Variants in SAMD13 observed in about 807,000 individuals in gnomAD.
SAMD13 encodes sterile alpha motif domain-containing protein 13.
SAMD13 carries 9 observed loss-of-function variants against 12.4 expected under a neutral mutation model. The ratio of observed to expected loss-of-function variants is 0.72; its 90% CI spans 0.44 to 1.26. The LOEUF (loss-of-function observed/expected upper bound fraction) is 1.26. SAMD13 is among the 50% of genes most tolerant of loss of function. The probability of loss-of-function intolerance (pLI) is 0.00; values close to 1 mark genes in which losing one functional copy is unlikely to be tolerated. For synonymous variants in SAMD13, 46 were observed against 45.4 expected (o/e 1.01, Z -0.05); for missense variants, 84 against 119.6 (o/e 0.70, Z 1.39).
Position 84,335,879 on chromosome 1 carries a change from A to G in SAMD13, c.165+10131A>G, listed in dbSNP as rs117703458. Among the ~76,000 whole-genome samples, 422 of 152,208 alleles carry G rather than the reference A, an allele frequency of 2.8e-3. 17 individuals are homozygous for G. The East Asian group carries it at 0.063, about 23-fold the overall frequency. Reference sequence around the variant, plus strand: ...AGAATGCTGAGTGTAGGCCCCCAATATCTTCTGGCTTGCAGGGTTTCTGCT... The same window carrying G: ...AGAATGCTGAGTGTAGGCCCCCAATGTCTTCTGGCTTGCAGGGTTTCTGCT... On this transcript the variant is annotated intron_variant, in intron 3 of 3. Transcript: ENST00000394834.
chr1:84,302,108 T>A (rs1423619549), intron 1 of SAMD13: 2 of 152,210 alleles, frequency 1.3e-5, no homozygotes, highest in African/African-American at 4.8e-5. Flanking sequence ...AGTTTGTGTG[T>A]ATGTGTGTGT....
At position 84,349,735 on chromosome 1, in the gene SAMD13, A is replaced by G; in HGVS notation, c.270A>G (p.Lys90=). Residue 90 remains lysine (K), a synonymous_variant, in exon 4 of 4, where the codon AAA becomes AAG. Coordinates refer to ENST00000394834, the MANE Select transcript of SAMD13 (RefSeq NM_001134663.2). ...PALKIYEYHV[K]PLQTKHLKNN... is the part of the protein sequence containing the mutation. ...TGAAAATCTACGAATATCATGTAAA[A>G]CCTCTGCAGACAAAGCATTTAAAGA... The G allele has an allele frequency of 6.2e-7, 1 of 1,613,692 alleles. No homozygotes were observed. Among genetic ancestry groups the G allele is most frequent in the Non-Finnish European group, 8.5e-7 (1 of 1,179,788 alleles).
Position 84,305,349 on chromosome 1 carries a change from G to A in SAMD13, c.53+2062G>A, listed in dbSNP as rs369931169. Among the ~76,000 whole-genome samples, 691 of 151,844 alleles carry A rather than the reference G, an allele frequency of 4.6e-3. 1 individual carries two copies. The highest frequency in any genetic ancestry group is 0.015 in the African/African-American group (633 of 41,436). On this transcript the variant is annotated intron_variant, in intron 2 of 3. Transcript: ENST00000394834. ...CAAATCTTTTGCCCATATTTGTATC[G>A]GGTTTTTTCATATTTATTGTATAGA... is the stretch of plus-strand genomic sequence containing the variant.
intron 2 of SAMD13, 39 bp from the exon 3 acceptor site, chr1:84,325,598 G>A (rs1679040207): frequency 7.9e-7 from 1 of 1,258,094 alleles, no homozygotes; most frequent in Admixed American, 1.7e-5. Flanking sequence ...CCCTTGTGCA[G>A]GCACTGCCAT....
intron 3 of SAMD13, among the ~76,000 whole-genome samples, chr1:84,348,890 A>C (rs367675440): frequency 3.1e-4 from 47 of 152,228 alleles, no homozygotes; most frequent in African/African-American, 1.1e-3. Context: ...AGGGGAACTT[A>C]TCTTGGAGAG....
chr1:84,338,799 C>T (rs1385606697), intron 3 of SAMD13, among the ~76,000 whole-genome samples: 1 of 152,080 alleles, frequency 6.6e-6, no homozygotes, highest in African/African-American at 2.4e-5. Context: ...CTGAGAACAG[C>T]ATGGGAAAGA....
chr1:84,315,829 T>G (rs1678821459), intron 2 of SAMD13, among the ~76,000 whole-genome samples: 1 of 152,170 alleles, frequency 6.6e-6, no homozygotes, highest in Admixed American at 6.6e-5. Flanking sequence ...TTTCTACCAT[T>G]TCTACCATAG....
At chr1:84,339,244 C>T (rs1239189258) in intron 3 of SAMD13, among the ~76,000 whole-genome samples, 1 of 152,024 alleles carries the variant, frequency 6.6e-6, no homozygotes, top group African/African-American at 2.4e-5. Flanking sequence ...AGAGTTATTG[C>T]ACTAGGTTTT....
intron 2 of SAMD13, among the ~76,000 whole-genome samples, chr1:84,308,047 C>G (rs1420389377): frequency 6.6e-6 from 1 of 152,164 alleles, no homozygotes; most frequent in Non-Finnish European, 1.5e-5. Flanking sequence ...CAGGACTGAC[C>G]TTTGCACAGC....
intron 3 of SAMD13, among the ~76,000 whole-genome samples, chr1:84,328,860 A>G (rs1390668761): frequency 6.6e-6 from 1 of 152,156 alleles, no homozygotes; most frequent in East Asian, 1.9e-4. Flanking sequence ...TCTCCTCAGG[A>G]AAGCTTTGCC....
At chr1:84,343,463 A>G (rs1679469363) in intron 3 of SAMD13, among the ~76,000 whole-genome samples, 1 of 152,250 alleles carries the variant, frequency 6.6e-6, no homozygotes, top group Non-Finnish European at 1.5e-5. Flanking sequence ...CCAAATGCCC[A>G]TCAATGATAG....
At chr1:84,335,633 T>C (rs1242106735) in intron 3 of SAMD13, among the ~76,000 whole-genome samples, 2 of 152,220 alleles carry the variant, frequency 1.3e-5, no homozygotes, top group Admixed American at 6.5e-5. Context: ...AGTTGACTTA[T>C]AGTGTCAGTG....
At chr1:84,312,060 C>G (rs1244174145) in intron 2 of SAMD13, among the ~76,000 whole-genome samples, 1 of 152,028 alleles carries the variant, frequency 6.6e-6, no homozygotes, top group East Asian at 1.9e-4. Flanking sequence ...AAATCTTTTA[C>G]TTTTTGTGAC....
intron 3 of SAMD13, among the ~76,000 whole-genome samples, chr1:84,345,957 G>A (rs1679525506): frequency 6.6e-6 from 1 of 152,088 alleles, no homozygotes; most frequent in South Asian, 2.1e-4. Context: ...TCCCACCTCA[G>A]CCTCTCAAGT....
At chr1:84,348,977 T>C (rs1272760127) in intron 3 of SAMD13, among the ~76,000 whole-genome samples, 2 of 152,180 alleles carry the variant, frequency 1.3e-5, no homozygotes, top group African/African-American at 4.8e-5. Flanking sequence ...GTCATTTTTC[T>C]AATGCCCAAT....
chr1:84,307,299 T>C (rs1179872202), intron 2 of SAMD13, among the ~76,000 whole-genome samples: 1 of 152,210 alleles, frequency 6.6e-6, no homozygotes, highest in Non-Finnish European at 1.5e-5. Context: ...AATCTTTTCT[T>C]TTAAAATGTT....
chr1:84,325,653 A>C lies in SAMD13; in HGVS notation c.70A>C (p.Arg24=). Residue 24 remains arginine (R), a synonymous_variant, in exon 3 of 4, where the codon AGA becomes CGA. Transcript: ENST00000394834. The part of the protein sequence containing the change: ...VGVKNSMENG[R]PPDPADWAVM... ...GTTTTGCAGTTCCATGGAAAATGGG[A>C]GACCACCTGATCCTGCAGACTGGGC... The C allele has an allele frequency of 6.2e-7, 1 of 1,611,566 alleles. No homozygotes were observed. Among genetic ancestry groups the C allele is most frequent in the Non-Finnish European group, 8.5e-7 (1 of 1,177,880 alleles).
intron 3 of SAMD13, among the ~76,000 whole-genome samples, chr1:84,331,173 G>C (rs1679172890): frequency 6.6e-6 from 1 of 151,674 alleles, no homozygotes; most frequent in African/African-American, 2.4e-5. Flanking sequence ...TGTAGGGTGG[G>C]GATGCCAATC....
At chr1:84,343,625 G>A (rs922725518) in intron 3 of SAMD13, among the ~76,000 whole-genome samples, 1 of 152,146 alleles carries the variant, frequency 6.6e-6, no homozygotes, top group African/African-American at 2.4e-5. Context: ...AACACTGCAT[G>A]TTCTTACTTG....
Sources: allele counts gnomAD v4.1 joint callset (sites outside exome capture counted in the v4.1 genomes callset), GRCh38; gene constraint gnomAD v4.1.1; transcripts MANE v1.5; gene names NCBI Gene and HGNC (gene_info 2026-07-23, HGNC 2026-07-21).